The following SYNE2 variants were observed in gnomAD, a reference collection of about 807,000 sequenced individuals.
SYNE2 encodes the protein nesprin-2.
In SYNE2, 431 loss-of-function variants were observed where a neutral mutation model predicts 856.3. That is an observed-to-expected ratio of 0.50 (90% confidence interval 0.47 to 0.55). The LOEUF (loss-of-function observed/expected upper bound fraction) is 0.55. Ranked by LOEUF, SYNE2 falls within the 20% of genes least tolerant of loss-of-function variation. The pLI is 0.00. For missense variants in SYNE2, 8,129 were observed against 8,023.2 expected, an observed-to-expected ratio of 1.01 and a Z score of -0.50; for synonymous variants, 2,923 against 2,872.3, an observed-to-expected ratio of 1.02 and a Z score of -0.56.
chr14:64,149,692 T>C (rs1443268528), intron 84 of SYNE2, among the ~76,000 whole-genome samples: 1 of 152,230 alleles, frequency 6.6e-6, no homozygotes, highest in Non-Finnish European at 1.5e-5. Context: ...TTTAAAAATA[T>C]TTAATGCTGG....
chr14:64,162,273 A>G lies in SYNE2; in HGVS notation c.16296A>G (p.Ile5432Met). Residue 5432 changes from isoleucine (I) to methionine (M), a missense_variant, in exon 88 of 116, where the codon ATA (isoleucine) becomes ATG (methionine). Transcript: ENST00000555002. ...AEILPPALQD[I>M]KELQHDVQKT... is the part of the protein sequence containing the mutation. ...TCCTGCCCCCAGCCCTGCAGGACAT[A>G]AAGGTGGGTACAAAGCCCATTTGGA... 1 of 1,614,136 alleles carries G rather than the reference A, an allele frequency of 6.2e-7. No homozygotes were observed. The highest frequency in any genetic ancestry group is 1.1e-5 in the South Asian group (1 of 91,076).
At chr14:64,046,993 C>A (rs1222519791) in intron 45 of SYNE2, among the ~76,000 whole-genome samples, 1 of 152,232 alleles carries the variant, frequency 6.6e-6, no homozygotes, top group Non-Finnish European at 1.5e-5. Context: ...CCCCTTGCCT[C>A]GTCATGTGGA....
intron 2 of SYNE2, among the ~76,000 whole-genome samples, chr14:63,930,862 T>A (rs2095744753): frequency 6.6e-6 from 1 of 152,202 alleles, no homozygotes; most frequent in Non-Finnish European, 1.5e-5. Flanking sequence ...AAGTGTTTCC[T>A]TGAGTTCTGT....
In SYNE2 at chr14:64,021,305, A is replaced by G. The variant is rs1438025748; in HGVS notation, c.5152-10A>G. Reference sequence around the variant, plus strand: ...ACTGTTATACAACTTCATATATTTCATGATTTCAGGTCATGGAGTCCTCTA... The same window carrying G: ...ACTGTTATACAACTTCATATATTTCGTGATTTCAGGTCATGGAGTCCTCTA... On this transcript the variant is annotated splice_polypyrimidine_tract_variant and intron_variant, in intron 35 of 115. Coordinates refer to ENST00000555002, the MANE Select transcript of SYNE2 (RefSeq NM_182914.3). 3 of 1,608,956 alleles carry G rather than the reference A, an allele frequency of 1.9e-6. No individual in the cohort carries two copies. The highest frequency in any genetic ancestry group is 1.1e-5 in the South Asian group (1 of 90,948).
intron 1 of SYNE2, among the ~76,000 whole-genome samples, chr14:63,872,186 T>A (rs1415675660): frequency 6.6e-6 from 1 of 152,092 alleles, no homozygotes; most frequent in African/African-American, 2.4e-5. Flanking sequence ...ATCCAAGCAC[T>A]TTGGGAGGCT....
At chr14:63,827,817 T>C (rs1270272660) in intron 1 of SYNE2, among the ~76,000 whole-genome samples, 1 of 151,674 alleles carries the variant, frequency 6.6e-6, no homozygotes, top group Non-Finnish European at 1.5e-5. Context: ...AGGATTTAAA[T>C]AGTCATGACT....
At chr14:64,087,489 T>C in intron 57 of SYNE2, 182 bp from the exon 58 acceptor site, 1 of 770,980 alleles carries the variant, frequency 1.3e-6, no homozygotes, top group Non-Finnish European at 2.4e-6. Flanking sequence ...GTTATACAGG[T>C]AGATACTCTG....
At chr14:63,885,221 G>C (rs1032014810) in intron 1 of SYNE2, among the ~76,000 whole-genome samples, 3 of 152,180 alleles carry the variant, frequency 2.0e-5, no homozygotes, top group Admixed American at 6.5e-5. Flanking sequence ...TACCTCCAGA[G>C]CTCACCATGG....
chr14:64,034,529 T>C (rs1207972471), intron 45 of SYNE2: 3 of 519,658 alleles, frequency 5.8e-6, no homozygotes, highest in East Asian at 3.1e-5. Flanking sequence ...TTTCCAAAAA[T>C]TGCCATCATA....
At chr14:64,224,941 A>C (rs757950698) in intron 114 of SYNE2, 58 bp from the exon 115 acceptor site, 1 of 1,405,162 alleles carries the variant, frequency 7.1e-7, no homozygotes, top group South Asian at 1.2e-5. Context: ...TTTTTTTTTT[A>C]TCATTGATAG....
chr14:63,850,788 A>G (rs1244291786), upstream of SYNE2, among the ~76,000 whole-genome samples: 1 of 152,216 alleles, frequency 6.6e-6, no homozygotes, highest in Non-Finnish European at 1.5e-5. Flanking sequence ...ATGGAGCAAC[A>G]GTTCTTTCAC....
At chr14:64,006,412 G>A (rs2096796321) in intron 30 of SYNE2, among the ~76,000 whole-genome samples, 1 of 151,966 alleles carries the variant, frequency 6.6e-6, no homozygotes, top group Non-Finnish European at 1.5e-5. Flanking sequence ...ACACGTATGC[G>A]CTTTGTCTCT....
intron 6 of SYNE2, among the ~76,000 whole-genome samples, chr14:63,947,050 A>G (rs771080317): frequency 1.4e-4 from 22 of 152,112 alleles, no homozygotes; most frequent in Non-Finnish European, 2.8e-4. Flanking sequence ...GGGTTTCGCC[A>G]TGTTGGTCAG....
intron 1 of SYNE2, among the ~76,000 whole-genome samples, chr14:63,836,070 G>C (rs991947963): frequency 2.0e-5 from 3 of 151,860 alleles, no homozygotes; most frequent in Non-Finnish European, 2.9e-5. Context: ...GGGTCGCACT[G>C]TGTCACTCAG....
chr14:63,977,303 C>T (rs979048285), intron 12 of SYNE2, among the ~76,000 whole-genome samples: 5 of 152,046 alleles, frequency 3.3e-5, no homozygotes, highest in South Asian at 2.1e-4. Flanking sequence ...AGCACCGCCT[C>T]CTGGGTTCAC....
intron 68 of SYNE2, 145 bp from the exon 69 acceptor site, chr14:64,121,867 A>T: frequency 9.0e-7 from 1 of 1,115,374 alleles, no homozygotes; most frequent in Non-Finnish European, 1.3e-6. Context: ...GTGAGAGTTT[A>T]CAAGAACAGG....
In SYNE2 at chr14:64,119,517, G is replaced by A. The variant is rs142277402; in HGVS notation, c.12931G>A (p.Glu4311Lys). 6.6e-5 allele frequency: 106 copies of A among 1,614,202 alleles called. No individual in the cohort carries two copies. Among genetic ancestry groups the A allele is most frequent in the Admixed American group, 1.5e-4 (9 of 60,022 alleles). Residue 4311 changes from glutamate to lysine, a missense_variant, in exon 67 of 116, where the codon GAG becomes AAG. Glu to Lys is a moderately conservative substitution (Grantham distance 56). Around this residue, in one of 3 missense-constraint regions of SYNE2, gnomAD observed 5,410 missense variants for 5,284.8 expected, o/e 1.02. Transcript: ENST00000555002. Reference sequence around the variant, plus strand: ...GGGAGATAATGGAGCCACTCAACATGAGGCTGAAGCGCTTTCCCTGAAACT... The same window carrying A: ...GGGAGATAATGGAGCCACTCAACATAAGGCTGAAGCGCTTTCCCTGAAACT... ...GLGDNGATQH[E>K]AEALSLKLKT... is the part of the protein sequence containing the mutation.
At chr14:63,985,632 A>G (rs2096619634) in intron 18 of SYNE2, among the ~76,000 whole-genome samples, 1 of 152,228 alleles carries the variant, frequency 6.6e-6, no homozygotes, top group Non-Finnish European at 1.5e-5. Flanking sequence ...AATGTATAAA[A>G]TATTATCTGA....
At chr14:63,765,349 C>CTTGTTTT (rs539357698) in intron 1 of SYNE2, among the ~76,000 whole-genome samples, 1 of 151,966 alleles carries the variant, frequency 6.6e-6, no homozygotes, top group African/African-American at 2.4e-5. Flanking sequence ...ATGCGATAGA[C>CTTGTTTT]TTGTTTTTTG....
Sources: gnomAD v4.1 joint callset for allele counts (sites outside exome capture counted in the v4.1 genomes callset) on GRCh38, gnomAD v4.1.1 for gene constraint, gnomAD v4.1.1 regional missense constraint, MANE v1.5 for transcripts, NCBI Gene and HGNC (gene_info 2026-07-23, HGNC 2026-07-21) for gene names.